The following BBX variants were observed in gnomAD, a reference collection of about 807,000 sequenced individuals.
BBX encodes BBX high mobility group box domain containing.
Under a neutral mutation model 100.2 loss-of-function variants are expected in BBX, and 30 were observed. The ratio of observed to expected loss-of-function variants is 0.30; its 90% CI spans 0.22 to 0.41. BBX has a LOEUF of 0.41. BBX is among the 10% of genes least tolerant of loss of function. The probability of loss-of-function intolerance (pLI) is 1.00; values close to 1 mark genes in which losing one functional copy is unlikely to be tolerated. For synonymous variants in BBX, 376 were observed against 388.1 expected, an observed-to-expected ratio of 0.97 and a Z score of 0.37; for missense variants, 1,023 against 1,129.8, an observed-to-expected ratio of 0.91 and a Z score of 1.35.
chr3:107,753,824 G>A (rs1020564304), intron 9 of BBX, among the ~76,000 whole-genome samples: 4 of 152,136 alleles, frequency 2.6e-5, no homozygotes, highest in African/African-American at 9.7e-5. Flanking sequence ...TTAGTGCTCT[G>A]CAAATTACTA....
In BBX at chr3:107,772,623, T is replaced by C; in HGVS notation, c.907-5T>C. On this transcript the variant is annotated splice_region_variant and splice_polypyrimidine_tract_variant and intron_variant, in intron 10 of 17. Coordinates refer to ENST00000325805, the MANE Select transcript of BBX (RefSeq NM_001142568.3). Reference sequence around the variant, plus strand: ...GTGCTCTCCCATTTTGTTTTAATTGTTTAGATGTGCCTGGCATCAGAAGGG... The same window carrying C: ...GTGCTCTCCCATTTTGTTTTAATTGCTTAGATGTGCCTGGCATCAGAAGGG... 1.3e-6 allele frequency: 2 copies of C among 1,567,560 alleles called. No individual in the cohort carries two copies.
intron 7 of BBX, 33 bp downstream of exon 7, chr3:107,733,056 C>G: frequency 1.3e-6 from 2 of 1,591,578 alleles, no homozygotes; most frequent in Non-Finnish European, 1.7e-6. Flanking sequence ...CCACTCTGCT[C>G]ATACTGTGGG....
intron 2 of BBX, among the ~76,000 whole-genome samples, chr3:107,531,475 C>G (rs889997915): frequency 6.6e-6 from 1 of 152,048 alleles, no homozygotes; most frequent in Non-Finnish European, 1.5e-5. Context: ...AATGTAGGAC[C>G]CTTATTCACA....
Position 107,805,714 on chromosome 3 carries a change from T to C in BBX, c.*257T>C, listed in dbSNP as rs114684557. ...AATGATCCTGGAGCTTTGCTTTCTA[T>C]TGAAGGCTTTTGACGGTAATAGGTG... On this transcript the variant is annotated 3_prime_UTR_variant, in exon 18 of 18. Coordinates refer to ENST00000325805, the MANE Select transcript of BBX (RefSeq NM_001142568.3). The C allele has an allele frequency of 4.5e-4, 248 of 547,396 alleles. No individual in the cohort carries two copies. Among genetic ancestry groups the C allele is most frequent in the African/African-American group, 4.2e-3 (222 of 53,442 alleles). The allele number at this position is 547,396 out of a possible 1,614,324, so 33.9% of individuals were successfully genotyped here.
In BBX at chr3:107,652,581, T is replaced by G. The variant is rs191487202; in HGVS notation, c.-10+6672T>G. On this transcript the variant is annotated intron_variant, in intron 3 of 17. Transcript: ENST00000325805. ...CTTCTTAACATTAAGATCAATCTAA[T>G]GATTGTGAAATTCACTAGTTGAGGA... Among the ~76,000 whole-genome samples the G allele has an allele frequency of 3.7e-4, 57 of 152,340 alleles. No homozygotes were observed. In the East Asian group the frequency reaches 0.011, roughly 28 times the overall value.
chr3:107,605,974 AG>A (rs1158665689), intron 2 of BBX, among the ~76,000 whole-genome samples: 1 of 152,220 alleles, frequency 6.6e-6, no homozygotes, highest in Non-Finnish European at 1.5e-5. Flanking sequence ...AGATTTTTCA[AG>A]AATACCTATT....
chr3:107,719,725 G>A (rs1474287984), intron 5 of BBX, among the ~76,000 whole-genome samples: 1 of 152,008 alleles, frequency 6.6e-6, no homozygotes, highest in Non-Finnish European at 1.5e-5. Context: ...CAATGTTGTG[G>A]ATGTTCACAG....
At chr3:107,744,545 G>C in intron 7 of BBX, 85 bp from the exon 8 acceptor site, 2 of 979,018 alleles carry the variant, frequency 2.0e-6, no homozygotes, top group African/African-American at 1.6e-5. Flanking sequence ...TGATAATAAA[G>C]ATCGCAAATG....
chr3:107,740,534 C>G (rs1457039594), intron 7 of BBX, among the ~76,000 whole-genome samples: 3 of 152,078 alleles, frequency 2.0e-5, no homozygotes, highest in Non-Finnish European at 2.9e-5. Flanking sequence ...ACAGAATTAC[C>G]TGACTACACA....
chr3:107,540,937 T>C (rs1462255335), intron 2 of BBX, among the ~76,000 whole-genome samples: 2 of 152,240 alleles, frequency 1.3e-5, no homozygotes, highest in Non-Finnish European at 2.9e-5. Flanking sequence ...AAAATTCTTA[T>C]TTTATGGTCA....
intron 3 of BBX, among the ~76,000 whole-genome samples, chr3:107,681,256 A>G (rs1236573733): frequency 6.6e-6 from 1 of 152,214 alleles, no homozygotes; most frequent in Non-Finnish European, 1.5e-5. Context: ...TTAAGCATAT[A>G]GTAGATGAGT....
rs574581281 is a variant in BBX, at chr3:107,641,579, T to G, written c.-83-4257T>G. Reference sequence around the variant, plus strand: ...AACAAATGGACAAATCTGTAATTACTTAGTAGTTACTATGGTTTACTGCCA... The same window carrying G: ...AACAAATGGACAAATCTGTAATTACGTAGTAGTTACTATGGTTTACTGCCA... On this transcript the variant is annotated intron_variant, in intron 2 of 17. Transcript: ENST00000325805. 2.0e-5 allele frequency among the ~76,000 whole-genome samples: 3 copies of G among 152,342 alleles called. No individual in the cohort carries two copies. In the South Asian group the frequency reaches 6.2e-4, roughly 32 times the overall value.
At chr3:107,540,287 T>C (rs1168377731) in intron 2 of BBX, among the ~76,000 whole-genome samples, 2 of 152,172 alleles carry the variant, frequency 1.3e-5, no homozygotes, top group Non-Finnish European at 2.9e-5. Context: ...AGCAAGAACA[T>C]TTCTGAGGAA....
intron 4 of BBX, among the ~76,000 whole-genome samples, chr3:107,714,124 C>T (rs527823971): frequency 4.6e-4 from 69 of 151,540 alleles, no homozygotes; most frequent in African/African-American, 1.6e-3. Flanking sequence ...TACAGGTGTC[C>T]ACCACCACTC....
chr3:107,776,772 C>T lies in BBX; in HGVS notation c.2055-1599C>T, dbSNP rs114725659. On this transcript the variant is annotated intron_variant, in intron 12 of 17. Coordinates refer to ENST00000325805, the MANE Select transcript of BBX (RefSeq NM_001142568.3). Reference sequence around the variant, plus strand: ...AAGAGACCTTATGAGTTACGTCTCACATTTTCAGTTTTCTTTTGGGTATTC... The same window carrying T: ...AAGAGACCTTATGAGTTACGTCTCATATTTTCAGTTTTCTTTTGGGTATTC... Among the ~76,000 whole-genome samples, 1,089 of 152,260 alleles carry T rather than the reference C, an allele frequency of 7.2e-3. 11 individuals carry two copies. The highest frequency in any genetic ancestry group is 0.048 in the Middle Eastern group (14 of 294).
intron 3 of BBX, among the ~76,000 whole-genome samples, chr3:107,648,040 G>A (rs2057626628): frequency 6.6e-6 from 1 of 152,234 alleles, no homozygotes; most frequent in South Asian, 2.1e-4. Context: ...GAGGGGATAG[G>A]GAAAGACTGA....
chr3:107,705,955 A>G (rs1427359990), intron 3 of BBX, among the ~76,000 whole-genome samples: 1 of 150,366 alleles, frequency 6.7e-6, no homozygotes, highest in East Asian at 1.9e-4. Context: ...TCCTTCTAAA[A>G]TCTTTCTTCT....
Position 107,798,698 on chromosome 3 carries a change from A to G in BBX, c.2529A>G (p.Val843=), listed in dbSNP as rs369406251. 1.9e-6 allele frequency: 3 copies of G among 1,614,156 alleles called. No homozygotes were observed. The highest frequency in any genetic ancestry group is 2.5e-6 in the Non-Finnish European group (3 of 1,180,020). The part of the protein sequence containing the change: ...THLVRTADGR[V]SPAGGTLDDK... ...TTGTCAGGACAGCAGATGGCCGGGT[A>G]TCACCAGCAGGAGGTACTTTGGGTA... The change falls in exon 16 of 18, where the codon GTA becomes GTG. Residue 843 remains valine, a synonymous_variant. Transcript: ENST00000325805.
At chr3:107,630,399 C>T (rs982246217) in intron 2 of BBX, among the ~76,000 whole-genome samples, 2 of 152,114 alleles carry the variant, frequency 1.3e-5, no homozygotes, top group Non-Finnish European at 2.9e-5. Flanking sequence ...CTCCTCCCCA[C>T]TCCTTTGCAC....
Sources: gnomAD v4.1 joint callset for allele counts (sites outside exome capture counted in the v4.1 genomes callset) on GRCh38, gnomAD v4.1.1 for gene constraint, MANE v1.5 for transcripts, NCBI Gene and HGNC (gene_info 2026-07-23, HGNC 2026-07-21) for gene names.